Variants in BCL9L observed in about 807,000 individuals in gnomAD.
BCL9L encodes the protein BCL9 like, also known as B-cell CLL/lymphoma 9-like protein.
Under a neutral mutation model 99.4 loss-of-function variants are expected in BCL9L, and 19 were observed. The observed-to-expected ratio is 0.19, with a 90% CI of 0.13 to 0.28. BCL9L has a LOEUF of 0.28. BCL9L is among the 10% of genes least tolerant of loss of function. The pLI is 1.00. For synonymous variants in BCL9L, 900 were observed against 854.8 expected, an observed-to-expected ratio of 1.05 and a Z score of -0.92; for missense variants, 2,023 against 2,101.6, an observed-to-expected ratio of 0.96 and a Z score of 0.73.
rs1230988493 is a variant in BCL9L, at chr11:118,898,761, C to T, written c.4154G>A (p.Arg1385Gln). ...GTGGCACATGGACATGTTGAGCCCC[C>T]GCTGGACGCCCTGCTGGCCTGGGAG... ...PNLPGQQGVQ[R>Q]GLNMSMCHPG... is the part of the protein sequence containing the mutation. The change falls in exon 10 of 10, where the codon CGG becomes CAG. Residue 1385 changes from arginine to glutamine, a missense_variant. Arg to Gln is a conservative substitution (Grantham distance 43). Coordinates refer to ENST00000683865, the MANE Select transcript of BCL9L (RefSeq NM_001378213.1). 3.7e-6 allele frequency: 6 copies of T among 1,613,654 alleles called. No homozygotes were observed. Among genetic ancestry groups the T allele is most frequent in the South Asian group, 2.2e-5 (2 of 91,070 alleles).
intron 2 of BCL9L, among the ~76,000 whole-genome samples, chr11:118,912,067 G>A (rs936891463): frequency 6.6e-6 from 1 of 152,106 alleles, no homozygotes; most frequent in Admixed American, 6.5e-5. Context: ...TGAGTCAAGC[G>A]TGGATGAGTC....
At chr11:118,918,096 G>A (rs1056055618) in intron 2 of BCL9L, among the ~76,000 whole-genome samples, 17 of 152,200 alleles carry the variant, frequency 1.1e-4, no homozygotes, top group African/African-American at 4.1e-4. Context: ...CTGAGGTGAG[G>A]GGATGAGAAG....
Position 118,901,548 on chromosome 11 carries a change from C to T in BCL9L, c.2195G>A (p.Gly732Asp). Residue 732 changes from glycine to aspartate, a missense_variant, in exon 8 of 10, where the codon GGC (glycine) becomes GAC (aspartate). By Grantham distance (94) the Gly-to-Asp change is moderately conservative (BLOSUM62 -1). This residue lies in a region of BCL9L where 1,116 missense variants were observed against 1,194.6 expected (regional missense o/e 0.93). Transcript: ENST00000683865. The surrounding 1 kb of genome is among the most constrained non-coding windows in gnomAD (Gnocchi z 6.6). ...CATGCCCATGGGAGTGCCCGCCAGG[C>T]CCTCACCACCAGCCATCTGCCCGGG... ...MFPGQMAGGE[G>D]LAGTPMGMEF... 6.2e-7 allele frequency: 1 copy of T among 1,614,120 alleles called. No individual in the cohort carries two copies. The highest frequency in any genetic ancestry group is 8.5e-7 in the Non-Finnish European group (1 of 1,180,030).
In BCL9L at chr11:118,898,497, G is replaced by C; in HGVS notation, c.4418C>G (p.Pro1473Arg). ...PPQQNLMVSHPLRQRSVSLDS... is the reference protein window; with the variant it reads ...PPQQNLMVSHRLRQRSVSLDS... ...CAGGGACACACTGCGCTGCCGAAGGGGGTGGGACACCATGAGGTTCTGCTG... is the reference window on the plus strand; with the variant it reads ...CAGGGACACACTGCGCTGCCGAAGGCGGTGGGACACCATGAGGTTCTGCTG... Residue 1473 changes from proline (P) to arginine (R), a missense_variant, in exon 10 of 10, where the codon CCC becomes CGC. Coordinates refer to ENST00000683865, the MANE Select transcript of BCL9L (RefSeq NM_001378213.1). 1 of 1,603,406 alleles carries C rather than the reference G, an allele frequency of 6.2e-7. No homozygotes were observed. The highest frequency in any genetic ancestry group is 8.5e-7 in the Non-Finnish European group (1 of 1,172,386).
In BCL9L at chr11:118,900,152, G is replaced by A. The variant is rs142540447; in HGVS notation, c.3171C>T (p.Pro1057=). Residue 1057 remains proline, a synonymous_variant, in exon 9 of 10, where the codon CCC becomes CCT. Transcript: ENST00000683865. This position sits in a 1 kb window ranked among gnomAD's most constrained non-coding sequence, Gnocchi z 5.3. ...TCATGAGGCCGCTGGGAGGGTTGGC[G>A]GGAGGTGCTGAGGAGCTGCTCCGGG... ...SGPRSSSSAP[P]ANPPSGLMNP... is the part of the protein sequence containing the mutation. The A allele has an allele frequency of 6.9e-4, 1,118 of 1,612,490 alleles. 9 individuals are homozygous for A. The African/African-American group carries it at 0.014, about 19-fold the overall frequency.
chr11:118,905,642 C>A (rs115832962), intron 5 of BCL9L, among the ~76,000 whole-genome samples: 1 of 150,420 alleles, frequency 6.6e-6, no homozygotes, highest in Non-Finnish European at 1.5e-5. Context: ...CATGCTAAAA[C>A]TCCACCTCTG....
rs535164927 is a variant in BCL9L at position 118,922,381 on chromosome 11, C to G, written c.-131+2857G>C. 5.3e-5 allele frequency among the ~76,000 whole-genome samples: 8 copies of G among 152,334 alleles called. No individual in the cohort carries two copies. Among genetic ancestry groups the G allele is most frequent in the Non-Finnish European group, 7.4e-5 (5 of 68,008 alleles). ...AGCTCTGGGACTCAGATAGGCTCCT[C>G]AGCCCTGGCAGGAGCTCCCACCAGC... is the stretch of plus-strand genomic sequence containing the variant. On this transcript the variant is annotated intron_variant, in intron 1 of 9. Transcript: ENST00000683865. The surrounding 1 kb of genome is among the most constrained non-coding windows in gnomAD (Gnocchi z 6.2).
In BCL9L at chr11:118,903,085, T is replaced by C; in HGVS notation, c.750-11A>G. 1.3e-6 allele frequency: 2 copies of C among 1,568,086 alleles called. No individual in the cohort carries two copies. The highest frequency in any genetic ancestry group is 1.2e-5 in the South Asian group (1 of 86,210). ...ACTGCCTCTGCAGCCCTGCACAGAG[T>C]GGGGGCACCGACAGCTCAGAGAGGT... On this transcript the variant is annotated splice_polypyrimidine_tract_variant and intron_variant, in intron 6 of 9. Coordinates refer to ENST00000683865, the MANE Select transcript of BCL9L (RefSeq NM_001378213.1). This position sits in a 1 kb window ranked among gnomAD's most constrained non-coding sequence, Gnocchi z 5.6.
Position 118,900,293 on chromosome 11 carries a change from C to T in BCL9L, c.3125-95G>A. ...GGGGAGGTTTAGGAAGCGGTCAGTT[C>T]CCCAAATCACCTGGTCCTTCAGACA... On this transcript the variant is annotated intron_variant, in intron 8 of 9. Coordinates refer to ENST00000683865, the MANE Select transcript of BCL9L (RefSeq NM_001378213.1). The surrounding 1 kb of genome is among the most constrained non-coding windows in gnomAD (Gnocchi z 5.3). 1 of 1,318,554 alleles carries T rather than the reference C, an allele frequency of 7.6e-7. No homozygotes were observed. The highest frequency in any genetic ancestry group is 1.0e-6 in the Non-Finnish European group (1 of 984,764). The allele number at this position is 1,318,554 out of a possible 1,614,324, so 81.7% of individuals were successfully genotyped here.
Position 118,922,867 on chromosome 11 carries a change from G to A in BCL9L, c.-131+2371C>T, listed in dbSNP as rs968765254. Among the ~76,000 whole-genome samples, 12 of 152,102 alleles carry A rather than the reference G, an allele frequency of 7.9e-5. No homozygotes were observed. Among genetic ancestry groups the A allele is most frequent in the African/African-American group, 2.7e-4 (11 of 41,410 alleles). On this transcript the variant is annotated intron_variant, in intron 1 of 9. Transcript: ENST00000683865. The surrounding 1 kb of genome is among the most constrained non-coding windows in gnomAD (Gnocchi z 6.2). ...GCAGCAGGACCACAAGAACCCCAAA[G>A]GACTTCCCAGGCACCTCCTTGTGGG...
In BCL9L at chr11:118,902,662, C is replaced by A; in HGVS notation, c.1081G>T (p.Ala361Ser). 6.3e-7 allele frequency: 1 copy of A among 1,599,384 alleles called. No individual in the cohort carries two copies. Among genetic ancestry groups the A allele is most frequent in the Non-Finnish European group, 8.5e-7 (1 of 1,179,766 alleles). Residue 361 changes from alanine to serine, a missense_variant, in exon 8 of 10, where the codon GCC (alanine) becomes TCC (serine). Physicochemically the swap from Ala to Ser is moderately conservative, Grantham distance 99 (BLOSUM62 1). Coordinates refer to ENST00000683865, the MANE Select transcript of BCL9L (RefSeq NM_001378213.1). This position sits in a 1 kb window ranked among gnomAD's most constrained non-coding sequence, Gnocchi z 7.8. ...CCTCCAGGAGGCAGAGGGTTGTTGG[C>A]GGTGGTAGCCGTCGGGGTGTTAGGG... Reference protein sequence around the residue: ...THPNTPTATTANNPLPPGGDP... With the variant: ...THPNTPTATTSNNPLPPGGDP...
Position 118,897,830 on chromosome 11 carries a change from C to T in BCL9L, c.*585G>A, listed in dbSNP as rs1346297472. 5 of 456,612 alleles carry T rather than the reference C, an allele frequency of 1.1e-5. No individual in the cohort carries two copies. Among genetic ancestry groups the T allele is most frequent in the Non-Finnish European group, 2.2e-5 (5 of 227,154 alleles). 28.3% of individuals were successfully genotyped at this position (456,612 alleles called of 1,614,324 possible). On this transcript the variant is annotated 3_prime_UTR_variant, in exon 10 of 10. Coordinates refer to ENST00000683865, the MANE Select transcript of BCL9L (RefSeq NM_001378213.1). ...CACAAACCAGCACAAAAGCGCAGCG[C>T]TCTATTTACAGCTCCGGCTGGCACC...
Position 118,907,474 on chromosome 11 carries a change from G to A in BCL9L, c.532+9C>T, listed in dbSNP as rs1441258134. On this transcript the variant is annotated intron_variant, in intron 5 of 9. Coordinates refer to ENST00000683865, the MANE Select transcript of BCL9L (RefSeq NM_001378213.1). ...GGGCTACAGCACCCTGGCATCGACA[G>A]GCACTCACTGTGGGTGGCCCCAATG... The A allele has an allele frequency of 6.2e-7, 1 of 1,614,180 alleles. No homozygotes were observed. The highest frequency in any genetic ancestry group is 1.7e-5 in the Admixed American group (1 of 60,036).
chr11:118,906,315 T>C (rs1255774731), intron 5 of BCL9L, among the ~76,000 whole-genome samples: 1 of 152,210 alleles, frequency 6.6e-6, no homozygotes, highest in African/African-American at 2.4e-5. Context: ...TAAAGGCTTC[T>C]ATCATCAAAG....
Position 118,903,035 on chromosome 11 carries a change from G to A in BCL9L, c.789C>T (p.Ile263=). 1 of 1,593,294 alleles carries A rather than the reference G, an allele frequency of 6.3e-7. No individual in the cohort carries two copies. The highest frequency in any genetic ancestry group is 8.5e-7 in the Non-Finnish European group (1 of 1,174,004). The part of the protein sequence containing the change: ...EAVLQGRADS[I]LAYHQQNVPR... The stretch of plus-strand genomic sequence containing the variant: ...GCACGTTCTGCTGGTGGTAGGCGAG[G>A]ATGGAGTCGGCCCGGCCCTGCAGCA... The change falls in exon 7 of 10, where the codon ATC becomes ATT. Residue 263 remains isoleucine, a synonymous_variant. Coordinates refer to ENST00000683865, the MANE Select transcript of BCL9L (RefSeq NM_001378213.1). This position sits in a 1 kb window ranked among gnomAD's most constrained non-coding sequence, Gnocchi z 5.6.
At position 118,901,099 on chromosome 11, in the gene BCL9L, C is replaced by T. The variant is rs139305154; in HGVS notation, c.2644G>A (p.Val882Met). 5.6e-6 allele frequency: 9 copies of T among 1,608,582 alleles called. No homozygotes were observed. The highest frequency in any genetic ancestry group is 2.2e-5 in the East Asian group (1 of 44,778). ...ATGTGGCTGAGCCGGGTGGTGCCCA[C>T]GTTGCTCATGGGCATTGAGCTCTGA... Reference protein sequence around the residue: ...PDQSSMPMSNVGTTRLSHMPL... With the variant: ...PDQSSMPMSNMGTTRLSHMPL... Residue 882 changes from valine (V) to methionine (M), a missense_variant, in exon 8 of 10, where the codon GTG becomes ATG. This residue lies in a region of BCL9L where 902 missense variants were observed against 888.2 expected (regional missense o/e 1.02). Coordinates refer to ENST00000683865, the MANE Select transcript of BCL9L (RefSeq NM_001378213.1). The surrounding 1 kb of genome is among the most constrained non-coding windows in gnomAD (Gnocchi z 6.6).
intron 2 of BCL9L, among the ~76,000 whole-genome samples, chr11:118,918,241 G>C (rs112121289): frequency 8.9e-4 from 135 of 152,204 alleles, no homozygotes; most frequent in African/African-American, 3.1e-3. Flanking sequence ...AGTAAGGAAG[G>C]GGGGCTGGCG....
chr11:118,902,559 C>T lies in BCL9L; in HGVS notation c.1184G>A (p.Gly395Asp). The T allele has an allele frequency of 6.2e-7, 1 of 1,601,862 alleles. No individual in the cohort carries two copies. Among genetic ancestry groups the T allele is most frequent in the African/African-American group, 1.3e-5 (1 of 75,056 alleles). The change falls in exon 8 of 10, where the codon GGC becomes GAC. Residue 395 changes from glycine (G) to aspartate (D), a missense_variant. Coordinates refer to ENST00000683865, the MANE Select transcript of BCL9L (RefSeq NM_001378213.1). This position sits in a 1 kb window ranked among gnomAD's most constrained non-coding sequence, Gnocchi z 7.8. ...CTGCTCTTTGGACAAGCCCTCTGAG[C>T]CCACCAGGCTGCGCTGCCCATTTCC... ...APGNGQRSLV[G>D]SEGLSKEQLE...
At chr11:118,911,338 G>A (rs1940789730) in intron 2 of BCL9L, 3 of 443,668 alleles carry the variant, frequency 6.8e-6, no homozygotes, top group African/African-American at 2.0e-5. Flanking sequence ...GAGGCTGGGC[G>A]GGGACCTGGG....
Sources: gnomAD v4.1 joint callset for allele counts (sites outside exome capture counted in the v4.1 genomes callset) on GRCh38, gnomAD v4.1.1 for gene constraint, gnomAD v4.1.1 regional missense constraint, Gnocchi (gnomAD v3.1) non-coding constraint, MANE v1.5 for transcripts, NCBI Gene and HGNC (gene_info 2026-07-23, HGNC 2026-07-21) for gene names.